C9: variants seen among roughly 807,000 people sequenced by gnomAD.
C9 encodes the protein complement component C9.
Under a neutral mutation model 65.4 loss-of-function variants are expected in C9, and 63 were observed. The observed-to-expected ratio is 0.96, with a 90% CI of 0.79 to 1.19. The LOEUF (loss-of-function observed/expected upper bound fraction) is 1.19, where lower values mean the gene tolerates loss of function less well. C9 is among the 50% of genes most tolerant of loss of function. The probability of loss-of-function intolerance (pLI) is 0.00; values close to 1 mark genes in which losing one functional copy is unlikely to be tolerated. For synonymous variants in C9, 229 were observed against 227.9 expected (o/e 1.00, Z -0.04); for missense variants, 744 against 670.1 (o/e 1.11, Z -1.22).
At chr5:39,322,443 A>G (rs1252516389) in intron 5 of C9, among the ~76,000 whole-genome samples, 1 of 152,068 alleles carries the variant, frequency 6.6e-6, no homozygotes, top group African/African-American at 2.4e-5. Flanking sequence ...AGGGCAAACT[A>G]AGCTTACTAA....
intron 1 of C9, among the ~76,000 whole-genome samples, chr5:39,363,831 A>T (rs1273745663): frequency 6.6e-6 from 1 of 152,254 alleles, no homozygotes; most frequent in East Asian, 1.9e-4. Flanking sequence ...AGCATGAGTG[A>T]CAGGTCTGCA....
chr5:39,301,522 G>T (rs1042025786), intron 9 of C9, among the ~76,000 whole-genome samples: 2 of 152,076 alleles, frequency 1.3e-5, no homozygotes, highest in African/African-American at 2.4e-5. Flanking sequence ...CTAACATTAG[G>T]AGCTGGGAGA....
chr5:39,284,842 G>A lies in C9; in HGVS notation c.*357C>T. ...TGTGGTCATGGACCTGGCAGAATAT[G>A]TTAACCATACAAAGCCGTTTGAAAA... On this transcript the variant is annotated 3_prime_UTR_variant, in exon 11 of 11. Coordinates refer to ENST00000263408, the MANE Select transcript of C9 (RefSeq NM_001737.5). 2 of 294,288 alleles carry A rather than the reference G, an allele frequency of 6.8e-6. No homozygotes were observed. The allele number at this position is 294,288 out of a possible 1,614,324, so 18.2% of individuals were successfully genotyped here. A position where few individuals can be genotyped will look rare whatever the true frequency, so the allele number is the denominator to read the frequency against.
At chr5:39,322,284 T>C (rs920890939) in intron 5 of C9, among the ~76,000 whole-genome samples, 3 of 151,910 alleles carry the variant, frequency 2.0e-5, no homozygotes, top group African/African-American at 7.2e-5. Context: ...TTTAAAAATA[T>C]CTTAAAATAA....
chr5:39,310,035 T>C (rs775786173), intron 7 of C9, among the ~76,000 whole-genome samples: 4 of 152,170 alleles, frequency 2.6e-5, no homozygotes, highest in Non-Finnish European at 4.4e-5. Context: ...GCTGTGGATA[T>C]AGCCCTGTGA....
chr5:39,361,475 TCA>T (rs1484166274), intron 1 of C9, among the ~76,000 whole-genome samples: 1 of 152,240 alleles, frequency 6.6e-6, no homozygotes, highest in Non-Finnish European at 1.5e-5. Flanking sequence ...ATAGCTACAC[TCA>T]CAGAGCACTT....
At chr5:39,299,045 TGATAGA>T (rs1462340670) in intron 9 of C9, among the ~76,000 whole-genome samples, 2 of 151,952 alleles carry the variant, frequency 1.3e-5, no homozygotes, top group African/African-American at 2.4e-5. Flanking sequence ...TTCCTCAACC[TGATAGA>T]GATAATCTAT....
intron 1 of C9, among the ~76,000 whole-genome samples, chr5:39,360,807 G>A (rs147508686): frequency 2.6e-5 from 4 of 151,974 alleles, no homozygotes; most frequent in East Asian, 1.9e-4. Flanking sequence ...GGTTCCTGTC[G>A]CAAGGCTGTG....
chr5:39,318,950 G>A (rs1456790494), intron 5 of C9, among the ~76,000 whole-genome samples: 3 of 152,052 alleles, frequency 2.0e-5, no homozygotes, highest in African/African-American at 7.2e-5. Context: ...CTCCCTAACT[G>A]TGTGTCAGCC....
intron 5 of C9, among the ~76,000 whole-genome samples, chr5:39,317,199 T>C (rs908645037): frequency 4.6e-5 from 7 of 152,114 alleles, no homozygotes; most frequent in Non-Finnish European, 7.4e-5. Context: ...GGGTCGTTTG[T>C]TTTTTTCCTG....
chr5:39,337,416 C>G (rs1753990307), intron 4 of C9, among the ~76,000 whole-genome samples: 1 of 152,224 alleles, frequency 6.6e-6, no homozygotes, highest in Admixed American at 6.5e-5. Flanking sequence ...CTTGGTTCCA[C>G]TACTACAGAG....
intron 1 of C9, among the ~76,000 whole-genome samples, chr5:39,359,254 C>T (rs928015363): frequency 6.6e-6 from 1 of 151,226 alleles, no homozygotes; most frequent in Admixed American, 6.6e-5. Flanking sequence ...GAGACGAGTA[C>T]AGAAATCAAT....
intron 1 of C9, among the ~76,000 whole-genome samples, chr5:39,359,102 G>GTGTATATATATATATA (rs1407613505): frequency 1.6e-4 from 17 of 103,668 alleles, no homozygotes; most frequent in Admixed American, 3.3e-4. Context: ...GTGTGTGTGT[G>GTGTATATATATATATA]TATATATATA....
At chr5:39,290,440 T>C (rs548786007) in intron 9 of C9, among the ~76,000 whole-genome samples, 3 of 149,672 alleles carry the variant, frequency 2.0e-5, no homozygotes, top group African/African-American at 7.3e-5. Context: ...TGAGAATCTA[T>C]AGAGCCCAGA....
At chr5:39,345,591 A>G (rs1459109045) in intron 1 of C9, among the ~76,000 whole-genome samples, 2 of 152,210 alleles carry the variant, frequency 1.3e-5, no homozygotes, top group Non-Finnish European at 2.9e-5. Flanking sequence ...TTAACACCCC[A>G]CTGTCAACAT....
intron 4 of C9, among the ~76,000 whole-genome samples, chr5:39,336,656 T>C (rs928924582): frequency 1.3e-5 from 2 of 152,156 alleles, no homozygotes; most frequent in South Asian, 2.1e-4. Context: ...TTCATGGTGC[T>C]AGGAAGAGAC....
chr5:39,327,250 A>C (rs930293331), intron 5 of C9, among the ~76,000 whole-genome samples: 14 of 152,258 alleles, frequency 9.2e-5, no homozygotes, highest in Admixed American at 3.9e-4. Flanking sequence ...CACCAAATTT[A>C]AGCTTCAAGG....
chr5:39,342,249 C>T (rs1754101231), intron 1 of C9, 53 bp from the exon 2 acceptor site: 2 of 966,388 alleles, frequency 2.1e-6, no homozygotes, highest in Admixed American at 1.7e-5. Context: ...TATCTGTTTC[C>T]AAGAAGTCTT....
intron 3 of C9, 47 bp downstream of exon 3, chr5:39,341,509 G>T: frequency 6.2e-7 from 1 of 1,602,366 alleles, no homozygotes; most frequent in African/African-American, 1.3e-5. Flanking sequence ...TTTCATTCAG[G>T]AAGGCACACA....
Sources: allele counts gnomAD v4.1 joint callset (sites outside exome capture counted in the v4.1 genomes callset), GRCh38; gene constraint gnomAD v4.1.1; transcripts MANE v1.5; gene names NCBI Gene and HGNC (gene_info 2026-07-23, HGNC 2026-07-21).